DMC1: variants seen among roughly 807,000 people sequenced by gnomAD.
The protein encoded by DMC1 is DNA meiotic recombinase 1, also known as meiotic recombination protein DMC1 homolog.
DMC1 carries 27 observed loss-of-function variants against 50.1 expected under a neutral mutation model. That is an observed-to-expected ratio of 0.54 (90% confidence interval 0.40 to 0.74). The LOEUF is 0.74. Among genes scored for constraint, DMC1 ranks in the 30% least tolerant of loss-of-function variants. DMC1 has a pLI of 0.00. For synonymous variants in DMC1, 148 were observed against 136.1 expected, an observed-to-expected ratio of 1.09 and a Z score of -0.61; for missense variants, 295 against 420.2, an observed-to-expected ratio of 0.70 and a Z score of 2.60.
chr22:38,535,114 A>G (rs1305221753), intron 12 of DMC1, among the ~76,000 whole-genome samples: 3 of 151,536 alleles, frequency 2.0e-5, no homozygotes, highest in African/African-American at 7.3e-5. Flanking sequence ...CCTGGCTAAC[A>G]CGGTGAAACC....
At chr22:38,567,900 A>G (rs1388554506) in intron 2 of DMC1, among the ~76,000 whole-genome samples, 4 of 152,146 alleles carry the variant, frequency 2.6e-5, no homozygotes, top group African/African-American at 9.7e-5. Flanking sequence ...TATTTTAAAT[A>G]TGTTTTCTCA....
chr22:38,513,903 A>C, the DMC1 span, among the ~76,000 whole-genome samples: 6 of 152,226 alleles, frequency 3.9e-5, no homozygotes, highest in African/African-American at 1.4e-4. Context: ...GCATGTTCCT[A>C]GTGAGTTTTC....
Position 38,519,718 on chromosome 22 carries a change from T to C in DMC1, c.*302A>G, listed in dbSNP as rs1234714110. On this transcript the variant is annotated 3_prime_UTR_variant, in exon 14 of 14. Coordinates refer to ENST00000216024, the MANE Select transcript of DMC1 (RefSeq NM_007068.4). Reference sequence around the variant, plus strand: ...CAACAACTAGTTTTCCATAGGTATATATACATACACAGAGTGAGAGAATTT... The same window carrying C: ...CAACAACTAGTTTTCCATAGGTATACATACATACACAGAGTGAGAGAATTT... 2 of 358,642 alleles carry C rather than the reference T, an allele frequency of 5.6e-6. No homozygotes were observed. Among genetic ancestry groups the C allele is most frequent in the African/African-American group, 2.1e-5 (1 of 47,264 alleles). The allele number at this position is 358,642 out of a possible 1,614,324, so 22.2% of individuals were successfully genotyped here. A position where few individuals can be genotyped will look rare whatever the true frequency, so the allele number is the denominator to read the frequency against.
intron 12 of DMC1, among the ~76,000 whole-genome samples, chr22:38,525,612 A>C (rs527675871): frequency 6.6e-6 from 1 of 152,342 alleles, no homozygotes; most frequent in African/African-American, 2.4e-5. Flanking sequence ...AAATGGGGAA[A>C]TAAATTATAG....
At chr22:38,555,270 A>T in intron 6 of DMC1, 87 bp downstream of exon 6, 1 of 837,082 alleles carries the variant, frequency 1.2e-6, no homozygotes, top group Non-Finnish European at 2.0e-6. Flanking sequence ...TTGGTTGTTT[A>T]TTTAATTATA....
chr22:38,521,319 G>A (rs2090021810), intron 13 of DMC1, among the ~76,000 whole-genome samples: 1 of 152,032 alleles, frequency 6.6e-6, no homozygotes, highest in Admixed American at 6.6e-5. Flanking sequence ...TGTGTCAATA[G>A]AATCCCTCAA....
chr22:38,543,511 G>A (rs2090310008), intron 8 of DMC1, among the ~76,000 whole-genome samples: 1 of 152,290 alleles, frequency 6.6e-6, no homozygotes. Flanking sequence ...TTACAGGTGT[G>A]AGCCATAGTG....
intron 12 of DMC1, among the ~76,000 whole-genome samples, chr22:38,527,177 T>C (rs1289308432): frequency 1.3e-5 from 2 of 152,112 alleles, no homozygotes; most frequent in Non-Finnish European, 2.9e-5. Context: ...TTGAAGAAAA[T>C]TGTTTAACCA....
chr22:38,536,617 T>C (rs1372048631), intron 12 of DMC1, among the ~76,000 whole-genome samples: 1 of 152,160 alleles, frequency 6.6e-6, no homozygotes, highest in Non-Finnish European at 1.5e-5. Context: ...AAGATGACTT[T>C]TTTGTTTTTA....
chr22:38,540,989 C>T (rs1004474790), intron 8 of DMC1, among the ~76,000 whole-genome samples: 3 of 152,102 alleles, frequency 2.0e-5, no homozygotes, highest in Admixed American at 1.3e-4. Flanking sequence ...TTTGCCCAGG[C>T]CTTTCCTGGG....
At chr22:38,538,116 C>A (rs1288231800) in intron 11 of DMC1, among the ~76,000 whole-genome samples, 179 bp downstream of exon 11, 1 of 151,970 alleles carries the variant, frequency 6.6e-6, no homozygotes, top group Non-Finnish European at 1.5e-5. Context: ...TGCACTCCAG[C>A]CTGGGCAACA....
At position 38,544,063 on chromosome 22, in the gene DMC1, C is replaced by T. The variant is rs568272182; in HGVS notation, c.495-4651G>A. 1.3e-3 allele frequency among the ~76,000 whole-genome samples: 198 copies of T among 152,254 alleles called. 1 individual carries two copies. Among genetic ancestry groups the T allele is most frequent in the African/African-American group, 4.6e-3 (190 of 41,566 alleles). ...CTTTTATAGAAGTAAAATTGCCTTG[C>T]TGAGAAAATATTTGCAAACTATCCA... is the stretch of plus-strand genomic sequence containing the variant. On this transcript the variant is annotated intron_variant, in intron 8 of 13. Transcript: ENST00000216024.
intron 12 of DMC1, among the ~76,000 whole-genome samples, chr22:38,524,248 T>A (rs1477372992): frequency 6.6e-6 from 1 of 152,044 alleles, no homozygotes; most frequent in Non-Finnish European, 1.5e-5. Flanking sequence ...ACCTTGTCTC[T>A]ACTAAAAATA....
At chr22:38,512,999 G>A in the DMC1 span, among the ~76,000 whole-genome samples, 7 of 151,980 alleles carry the variant, frequency 4.6e-5, no homozygotes, top group East Asian at 1.4e-3. Flanking sequence ...CAGGAGAATC[G>A]CTTGAACCCA....
intron 12 of DMC1, among the ~76,000 whole-genome samples, chr22:38,537,317 G>A (rs549776961): frequency 6.6e-6 from 1 of 152,130 alleles, no homozygotes; most frequent in African/African-American, 2.4e-5. Flanking sequence ...AGGTTCAAGT[G>A]ATTCTTCTGC....
chr22:38,547,124 A>ACTC (rs571508188), intron 8 of DMC1, among the ~76,000 whole-genome samples: 9 of 152,140 alleles, frequency 5.9e-5, no homozygotes, highest in Non-Finnish European at 1.3e-4. Context: ...CTAATCATGA[A>ACTC]CTCCTGGCCT....
intron 6 of DMC1, among the ~76,000 whole-genome samples, chr22:38,553,040 G>A (rs995000119): frequency 4.3e-4 from 64 of 149,628 alleles, no homozygotes; most frequent in African/African-American, 1.5e-3. Flanking sequence ...TAGAGATGGG[G>A]TTTCACCATA....
chr22:38,563,049 G>A (rs2090545609), intron 4 of DMC1, among the ~76,000 whole-genome samples: 1 of 152,120 alleles, frequency 6.6e-6, no homozygotes, highest in South Asian at 2.1e-4. Flanking sequence ...GATTACAGGC[G>A]TGAGCCACCG....
chr22:38,522,678 T>A (rs569395105), intron 12 of DMC1, among the ~76,000 whole-genome samples: 37 of 152,302 alleles, frequency 2.4e-4, no homozygotes, highest in African/African-American at 8.7e-4. Flanking sequence ...TGATATAGAA[T>A]AATAGCTTCA....
Sources: allele counts gnomAD v4.1 joint callset (sites outside exome capture counted in the v4.1 genomes callset), GRCh38; gene constraint gnomAD v4.1.1; transcripts MANE v1.5; gene names NCBI Gene and HGNC (gene_info 2026-07-23, HGNC 2026-07-21).